Variants in FUT8 observed in about 807,000 individuals in gnomAD.
FUT8 encodes fucosyltransferase 8.
In FUT8, 29 loss-of-function variants were observed where a neutral mutation model predicts 71.3. The ratio of observed to expected loss-of-function variants is 0.41; its 90% CI spans 0.30 to 0.55. The LOEUF (loss-of-function observed/expected upper bound fraction) is 0.55. FUT8 is among the 20% of genes least tolerant of loss of function. The probability of loss-of-function intolerance (pLI) is 0.34; values close to 1 mark genes in which losing one functional copy is unlikely to be tolerated. For synonymous variants in FUT8, 254 were observed against 239.3 expected (o/e 1.06, Z -0.57); for missense variants, 544 against 702.1 (o/e 0.77, Z 2.55).
intron 7 of FUT8, among the ~76,000 whole-genome samples, chr14:65,707,091 A>T (rs1894592735): frequency 6.6e-6 from 1 of 152,172 alleles, no homozygotes; most frequent in African/African-American, 2.4e-5. Context: ...AAAAATATAG[A>T]TTCCAAAATG....
At chr14:65,451,305 G>A (rs552653760) in intron 1 of FUT8, among the ~76,000 whole-genome samples, 1 of 152,346 alleles carries the variant, frequency 6.6e-6, no homozygotes, top group South Asian at 2.1e-4. Context: ...TCTGCCCCTC[G>A]CAGGAGGGAG....
At chr14:65,473,002 A>T (rs1848025319) in intron 2 of FUT8, among the ~76,000 whole-genome samples, 1 of 152,100 alleles carries the variant, frequency 6.6e-6, no homozygotes, top group Admixed American at 6.5e-5. Flanking sequence ...ATTTATTATT[A>T]TTATTGAATG....
chr14:65,399,788 T>C, the FUT8 span, among the ~76,000 whole-genome samples: 1 of 152,354 alleles, frequency 6.6e-6, no homozygotes, highest in East Asian at 1.9e-4. Flanking sequence ...GTATAAGGTT[T>C]CCTATGATAT....
intron 2 of FUT8, among the ~76,000 whole-genome samples, chr14:65,527,061 G>C (rs1476523552): frequency 6.6e-6 from 1 of 152,128 alleles, no homozygotes; most frequent in Non-Finnish European, 1.5e-5. Context: ...TCTTCTCAAG[G>C]AGTATCTTTG....
At chr14:65,506,922 A>G (rs1217811682) in intron 2 of FUT8, among the ~76,000 whole-genome samples, 1 of 152,208 alleles carries the variant, frequency 6.6e-6, no homozygotes, top group Admixed American at 6.5e-5. Context: ...ACACTGACAC[A>G]CAGATATTCT....
chr14:65,528,806 T>C (rs1229537743), intron 2 of FUT8: 1 of 152,174 alleles, frequency 6.6e-6, no homozygotes, highest in Non-Finnish European at 1.5e-5. Flanking sequence ...ATTGGAAACT[T>C]GGATGTAAAT....
chr14:65,520,880 C>T (rs969258688), intron 2 of FUT8, among the ~76,000 whole-genome samples: 1 of 152,040 alleles, frequency 6.6e-6, no homozygotes, highest in African/African-American at 2.4e-5. Flanking sequence ...CCTATGAGAT[C>T]TCCAGAAATT....
At chr14:65,380,544 G>C in the FUT8 span, among the ~76,000 whole-genome samples, 1 of 152,200 alleles carries the variant, frequency 6.6e-6, no homozygotes, top group African/African-American at 2.4e-5. Flanking sequence ...ATTTCTAGTG[G>C]TTCAATATTC....
chr14:65,454,303 A>C (rs540378644), intron 1 of FUT8, among the ~76,000 whole-genome samples: 43 of 152,202 alleles, frequency 2.8e-4, no homozygotes, highest in African/African-American at 1.0e-3. Flanking sequence ...TGTCTTCTTC[A>C]AATAGATGTA....
At chr14:65,382,897 C>A in the FUT8 span, among the ~76,000 whole-genome samples, 1 of 152,192 alleles carries the variant, frequency 6.6e-6, no homozygotes, top group East Asian at 1.9e-4. Flanking sequence ...TCATTATGCC[C>A]CAAATCTTTT....
chr14:65,618,110 C>A (rs1889401062), intron 5 of FUT8, among the ~76,000 whole-genome samples: 2 of 143,962 alleles, frequency 1.4e-5, no homozygotes, highest in African/African-American at 5.1e-5. Flanking sequence ...CTATGTTACC[C>A]AGGCCAGTCT....
chr14:65,702,345 C>CA (rs71989314), intron 7 of FUT8, among the ~76,000 whole-genome samples: 112,292 of 134,802 alleles, frequency 0.83, 46,346 homozygotes, highest in East Asian at 0.98. Context: ...AACTCCATCT[C>CA]AAAAAAAAAA....
intron 2 of FUT8, among the ~76,000 whole-genome samples, chr14:65,487,968 C>T (rs2066433502): frequency 1.3e-5 from 2 of 152,116 alleles, no homozygotes; most frequent in Admixed American, 1.3e-4. Context: ...GCTAGGACTA[C>T]AAGTGTGTGC....
Position 65,722,011 on chromosome 14 carries a change from C to T in FUT8, c.1072C>T (p.Pro358Ser). The T allele has an allele frequency of 6.2e-7, 1 of 1,613,984 alleles. No individual in the cohort carries two copies. The highest frequency in any genetic ancestry group is 8.5e-7 in the Non-Finnish European group (1 of 1,179,980). Residue 358 changes from proline to serine, a missense_variant, in exon 8 of 11, where the codon CCA becomes TCA. By Grantham distance (74) the Pro-to-Ser change is moderately conservative (BLOSUM62 -1). Transcript: ENST00000673929. ...EATKKLGFKH[P>S]VIGVHVRRTD... Reference sequence around the variant, plus strand: ...CACCAAGAAGCTTGGCTTCAAACATCCAGTTATTGGGTAAGAATCTGATTT... The same window carrying T: ...CACCAAGAAGCTTGGCTTCAAACATTCAGTTATTGGGTAAGAATCTGATTT...
intron 2 of FUT8, among the ~76,000 whole-genome samples, chr14:65,493,962 G>A (rs1481288708): frequency 6.6e-6 from 1 of 152,110 alleles, no homozygotes. Flanking sequence ...ATGAGTGAAT[G>A]TAATATGCTT....
upstream of FUT8, among the ~76,000 whole-genome samples, chr14:65,408,000 G>T (rs528596159): frequency 7.2e-5 from 11 of 152,138 alleles, no homozygotes; most frequent in African/African-American, 1.4e-4. Flanking sequence ...TGGTCCTAAT[G>T]GTTTTCAAGT....
rs74056785 is a variant in FUT8 at position 65,462,875 on chromosome 14, G to A, written c.-228+7157G>A. Among the ~76,000 whole-genome samples the A allele has an allele frequency of 3.0e-3, 463 of 152,240 alleles. 2 individuals are homozygous for A. The highest frequency in any genetic ancestry group is 0.01 in the African/African-American group (426 of 41,544). On this transcript the variant is annotated intron_variant, in intron 2 of 10. Coordinates refer to ENST00000673929, the MANE Select transcript of FUT8 (RefSeq NM_001371533.1). Reference sequence around the variant, plus strand: ...AAGTTACTGAAGTAGGAGAAAGGACGGATTTTTATTAATTCCATATGGAAG... The same window carrying A: ...AAGTTACTGAAGTAGGAGAAAGGACAGATTTTTATTAATTCCATATGGAAG...
chr14:65,726,041 T>C (rs1317529262), intron 9 of FUT8, among the ~76,000 whole-genome samples: 1 of 152,150 alleles, frequency 6.6e-6, no homozygotes. Flanking sequence ...GAGATGTGTA[T>C]ATATATAAAC....
At chr14:65,497,299 G>GGTGAAATATTTACTAGAGT (rs1410750014) in intron 2 of FUT8, among the ~76,000 whole-genome samples, 1 of 152,114 alleles carries the variant, frequency 6.6e-6, no homozygotes, top group African/African-American at 2.4e-5. Context: ...GTGGTTTGAA[G>GGTGAAATATTTACTAGAGT]GTGAAATATT....
Sources: allele counts gnomAD v4.1 joint callset (sites outside exome capture counted in the v4.1 genomes callset), GRCh38; gene constraint gnomAD v4.1.1; transcripts MANE v1.5; gene names NCBI Gene and HGNC (gene_info 2026-07-23, HGNC 2026-07-21).